The following WARS1 variants were observed in gnomAD, a reference collection of about 807,000 sequenced individuals.
WARS1 encodes tryptophan--tRNA ligase, cytoplasmic.
WARS1 carries 17 observed loss-of-function variants against 47.8 expected under a neutral mutation model. That is an observed-to-expected ratio of 0.36 (90% CI 0.24 to 0.53). The LOEUF (loss-of-function observed/expected upper bound fraction) is 0.53. Among genes scored for constraint, WARS1 ranks in the 20% least tolerant of loss-of-function variants. WARS1 has a pLI of 0.91. For synonymous variants in WARS1, 208 were observed against 228.1 expected (o/e 0.91, Z 0.79); for missense variants, 434 against 608.0 (o/e 0.71, Z 3.01).
chr14:100,342,591 C>A lies in WARS1; in HGVS notation c.940-20G>T. The A allele has an allele frequency of 6.3e-7, 1 of 1,594,618 alleles. No homozygotes were observed. The highest frequency in any genetic ancestry group is 1.1e-5 in the South Asian group (1 of 89,390). ...AGGATCCTGTGGGGAGAGTAAGGAC[C>A]CTGATGAGGGCGGCCAGAAAACATG... On this transcript the variant is annotated intron_variant, in intron 8 of 10. Transcript: ENST00000392882.
At chr14:100,339,434 C>CA (rs1321942402) in intron 9 of WARS1, among the ~76,000 whole-genome samples, 2 of 151,452 alleles carry the variant, frequency 1.3e-5, no homozygotes, top group Non-Finnish European at 2.9e-5. Context: ...TACCAAAATA[C>CA]AAAAAATTAG....
rs1363607133 is a variant in WARS1 at position 100,353,700 on chromosome 14, G to A, written c.712C>T (p.Leu238=). ...TTTTCTCCTTACCCCATGTAGTCCA[G>A]GTCAGAGAATATGAAAGTCTTGTTG... is the stretch of plus-strand genomic sequence containing the variant. ...DINKTFIFSD[L]DYMGMSSGFY... The change falls in exon 6 of 11, where the codon CTG becomes TTG. Residue 238 remains leucine, a synonymous_variant. Coordinates refer to ENST00000392882, the MANE Select transcript of WARS1 (RefSeq NM_004184.4). The A allele has an allele frequency of 2.5e-6, 4 of 1,614,068 alleles. No individual in the cohort carries two copies. Among genetic ancestry groups the A allele is most frequent in the Non-Finnish European group, 3.4e-6 (4 of 1,180,036 alleles).
chr14:100,356,139 C>T (rs1895296801), intron 4 of WARS1, among the ~76,000 whole-genome samples: 1 of 152,164 alleles, frequency 6.6e-6, no homozygotes, highest in African/African-American at 2.4e-5. Flanking sequence ...CTTGACTGTG[C>T]ATAGTAGATC....
At chr14:100,347,669 T>G (rs1894716318) in intron 6 of WARS1, among the ~76,000 whole-genome samples, 1 of 152,004 alleles carries the variant, frequency 6.6e-6, no homozygotes, top group South Asian at 2.1e-4. Flanking sequence ...CTCCATCTCT[T>G]GGGTTCAAGC....
chr14:100,350,284 C>G (rs1894882631), intron 6 of WARS1, among the ~76,000 whole-genome samples: 1 of 148,308 alleles, frequency 6.7e-6, no homozygotes, highest in Non-Finnish European at 1.5e-5. Context: ...CCCAGCTACT[C>G]AGGAGGCTGA....
At chr14:100,365,479 C>G in intron 2 of WARS1, 1 of 260,344 alleles carries the variant, frequency 3.8e-6, no homozygotes, top group Non-Finnish European at 7.9e-6. Context: ...ACTTACGAGG[C>G]CAGGGCAGGA....
rs1895322266 is a variant in WARS1, at chr14:100,356,401, G to GC, written c.423-1836_423-1835insG. ...TGACTGGGTGTGTGTGTGTGTGTGG[G>GC]GGGGGGTGTGGAATAAAAGAGAAGA... On this transcript the variant is annotated intron_variant, in intron 4 of 10. Coordinates refer to ENST00000392882, the MANE Select transcript of WARS1 (RefSeq NM_004184.4). 2.2e-5 allele frequency among the ~76,000 whole-genome samples: 3 copies of GC among 134,916 alleles called. 1 individual carries two copies. 88.5% of individuals were successfully genotyped at this position (134,916 alleles called of 152,430 possible).
chr14:100,346,830 A>G lies in WARS1; in HGVS notation c.742T>C (p.Tyr248His). 2 of 1,613,780 alleles carry G rather than the reference A, an allele frequency of 1.2e-6. No homozygotes were observed. The highest frequency in any genetic ancestry group is 1.7e-6 in the Non-Finnish European group (2 of 1,179,672). ...LDYMGMSSGF[Y>H]KNVVKIQKHV... The stretch of plus-strand genomic sequence containing the variant: ...TTTTGAATCTTCACCACATTTTTGT[A>G]GAAACCTGAGCTCATCCTGCAAAGA... Residue 248 changes from tyrosine to histidine, a missense_variant, in exon 7 of 11, where the codon TAC becomes CAC. This residue lies in a region of WARS1 where 347 missense variants were observed against 523.8 expected (regional missense o/e 0.66). Transcript: ENST00000392882.
At chr14:100,371,356 G>T (rs1389142640) in intron 1 of WARS1, among the ~76,000 whole-genome samples, 1 of 150,586 alleles carries the variant, frequency 6.6e-6, no homozygotes, top group Non-Finnish European at 1.5e-5. Flanking sequence ...AGGCTGAGGT[G>T]GGAGAATTGC....
chr14:100,340,082 C>T (rs1388090581), intron 9 of WARS1: 3 of 152,176 alleles, frequency 2.0e-5, no homozygotes, highest in African/African-American at 7.2e-5. Flanking sequence ...GGAAATCAGG[C>T]CCAGAGTGTC....
At chr14:100,339,884 G>C (rs1040562960) in intron 9 of WARS1, 2 of 152,180 alleles carry the variant, frequency 1.3e-5, no homozygotes, top group African/African-American at 4.8e-5. Context: ...CAAGGAAACT[G>C]GTGTCTGCTG....
chr14:100,343,438 TTAGTTAA>T, intron 7 of WARS1, 51 bp from the exon 8 acceptor site: 1 of 1,387,470 alleles, frequency 7.2e-7, no homozygotes, highest in Non-Finnish European at 9.9e-7. Flanking sequence ...CCTGTTCTGC[TTAGTTAA>T]TAAAGGAATG....
In WARS1 at chr14:100,361,903, C is replaced by T. The variant is rs1895685442; in HGVS notation, c.118G>A (p.Val40Ile). Residue 40 changes from valine to isoleucine, a missense_variant, in exon 3 of 11, where the codon GTA (valine) becomes ATA (isoleucine). Val to Ile is a conservative substitution (Grantham distance 29). This residue lies in a region of WARS1 where 87 missense variants were observed against 84.2 expected (regional missense o/e 1.03). Transcript: ENST00000392882. The stretch of plus-strand genomic sequence containing the variant: ...ATTTTTAATGACACCAACATCTTTA[C>T]TGCAGAATCAATTTCATCCTGAGAG... The part of the protein sequence containing the change: ...NASKDEIDSA[V>I]KMLVSLKMSY... 6.2e-7 allele frequency: 1 copy of T among 1,614,184 alleles called. No homozygotes were observed. The highest frequency in any genetic ancestry group is 1.1e-5 in the South Asian group (1 of 91,082).
intron 1 of WARS1, among the ~76,000 whole-genome samples, chr14:100,372,286 G>A (rs1896399997): frequency 6.6e-6 from 1 of 151,774 alleles, no homozygotes; most frequent in Non-Finnish European, 1.5e-5. Context: ...AAGGTAACAT[G>A]GATAGTGAGA....
chr14:100,356,403 G>T (rs941359923), intron 4 of WARS1, among the ~76,000 whole-genome samples: 18 of 150,002 alleles, frequency 1.2e-4, no homozygotes, highest in African/African-American at 3.9e-4. Context: ...GTGTGTGGGG[G>T]GGGGTGTGGA....
At chr14:100,336,886 T>C (rs1414775533) in intron 10 of WARS1, 176 bp downstream of exon 10, 7 of 768,112 alleles carry the variant, frequency 9.1e-6, no homozygotes, top group East Asian at 2.6e-5. Flanking sequence ...GATTTGTTCA[T>C]GAGGCTTCTG....
At chr14:100,342,365 C>T (rs773746159) in intron 9 of WARS1, 33 bp downstream of exon 9, 35 of 1,612,110 alleles carry the variant, frequency 2.2e-5, no homozygotes, top group East Asian at 6.7e-5. Context: ...TTTCTGATCC[C>T]GCTGGCTGCC....
intron 10 of WARS1, among the ~76,000 whole-genome samples, chr14:100,335,241 C>T (rs1170501899): frequency 2.0e-5 from 3 of 152,188 alleles, no homozygotes; most frequent in Admixed American, 1.3e-4. Context: ...CTGGCTCTGA[C>T]GATAGCCATG....
At chr14:100,364,003 G>C (rs1368943178) in intron 2 of WARS1, among the ~76,000 whole-genome samples, 2 of 152,130 alleles carry the variant, frequency 1.3e-5, no homozygotes, top group African/African-American at 4.8e-5. Flanking sequence ...AGCTACCCCT[G>C]GTGGGAGGAG....
Sources: allele counts gnomAD v4.1 joint callset (sites outside exome capture counted in the v4.1 genomes callset), GRCh38; gene constraint gnomAD v4.1.1; regional missense constraint gnomAD v4.1.1; transcripts MANE v1.5; gene names NCBI Gene and HGNC (gene_info 2026-07-23, HGNC 2026-07-21).